TOX2: variants seen among roughly 807,000 people sequenced by gnomAD.
The protein encoded by TOX2 is granulosa cell HMG box 1.
Under a neutral mutation model 47.4 loss-of-function variants are expected in TOX2, and 15 were observed. The observed-to-expected ratio is 0.32, with a 90% CI of 0.21 to 0.49. The LOEUF is 0.49. TOX2 is among the 20% of genes least tolerant of loss of function. TOX2 has a pLI of 0.99. For synonymous variants in TOX2, 290 were observed against 296.6 expected (o/e 0.98, Z 0.23); for missense variants, 622 against 673.1 (o/e 0.92, Z 0.84).
intron 3 of TOX2, among the ~76,000 whole-genome samples, chr20:44,010,700 G>A (rs970126545): frequency 6.6e-6 from 1 of 152,118 alleles, no homozygotes; most frequent in African/African-American, 2.4e-5. Flanking sequence ...CCGTGCAGAG[G>A]GCTTTCAAAC....
At chr20:44,023,885 C>T (rs1034020021) in intron 3 of TOX2, among the ~76,000 whole-genome samples, 1 of 152,266 alleles carries the variant, frequency 6.6e-6, no homozygotes, top group African/African-American at 2.4e-5. Context: ...ATGACAACCT[C>T]ATTGCTGCCT....
intron 3 of TOX2, among the ~76,000 whole-genome samples, chr20:44,021,777 C>T (rs1013585205): frequency 6.6e-6 from 1 of 151,392 alleles, no homozygotes; most frequent in African/African-American, 2.4e-5. Flanking sequence ...CACAGACACA[C>T]ACCACCATGT....
intron 1 of TOX2, among the ~76,000 whole-genome samples, chr20:43,960,852 T>G (rs552340306): frequency 3.3e-5 from 5 of 152,352 alleles, no homozygotes; most frequent in Admixed American, 2.6e-4. Flanking sequence ...GCCTAGCTCC[T>G]GGGCAGACCA....
intron 2 of TOX2, among the ~76,000 whole-genome samples, chr20:43,984,846 A>ATAGC (rs1464781698): frequency 6.6e-6 from 1 of 152,082 alleles, no homozygotes; most frequent in Non-Finnish European, 1.5e-5. Flanking sequence ...GGGGGAGGGG[A>ATAGC]TAGCAGTGGG....
At chr20:44,014,128 C>CAAAAAA (rs55721806) in intron 3 of TOX2, among the ~76,000 whole-genome samples, 3 of 53,562 alleles carry the variant, frequency 5.6e-5, no homozygotes, top group Non-Finnish European at 9.5e-5. Flanking sequence ...GAGACTATCT[C>CAAAAAA]AAAAAAAAAA....
chr20:44,066,607 C>T (rs2071826846), intron 7 of TOX2, 123 bp from the exon 8 acceptor site: 3 of 1,463,754 alleles, frequency 2.0e-6, no homozygotes, highest in Admixed American at 1.7e-5. Flanking sequence ...GGCAGCAGCC[C>T]TGGAGGCAGC....
At chr20:43,929,373 T>C (rs533562064) in intron 1 of TOX2, among the ~76,000 whole-genome samples, 3 of 152,292 alleles carry the variant, frequency 2.0e-5, no homozygotes, top group East Asian at 1.9e-4. Context: ...TCTGCCTGCA[T>C]TTCCAGCCTC....
At chr20:43,961,321 G>C (rs1194471424) in intron 1 of TOX2, among the ~76,000 whole-genome samples, 1 of 152,230 alleles carries the variant, frequency 6.6e-6, no homozygotes, top group East Asian at 1.9e-4. Flanking sequence ...TGGAAAGGCA[G>C]AAGAGGGGAT....
intron 3 of TOX2, among the ~76,000 whole-genome samples, chr20:44,030,906 A>G (rs2071139974): frequency 6.6e-6 from 1 of 152,158 alleles, no homozygotes; most frequent in South Asian, 2.1e-4. Context: ...TTACATTCCT[A>G]ATGTATATAT....
Position 43,929,183 on chromosome 20 carries a change from C to T in TOX2, c.99+14193C>T, listed in dbSNP as rs1258761845. Among the ~76,000 whole-genome samples the T allele has an allele frequency of 2.0e-5, 3 of 151,900 alleles. No individual in the cohort carries two copies. The South Asian group carries it at 6.2e-4, about 32-fold the overall frequency. On this transcript the variant is annotated intron_variant, in intron 1 of 8. Transcript: ENST00000341197. ...AAAAACAAACAAACAAACAAACAAA[C>T]AAAAACAGGGAAAAAAACCCCCACA...
At chr20:44,032,463 G>A (rs984854182) in intron 3 of TOX2, among the ~76,000 whole-genome samples, 4 of 152,230 alleles carry the variant, frequency 2.6e-5, no homozygotes, top group Non-Finnish European at 4.4e-5. Flanking sequence ...GAGCCCTGTG[G>A]TGGGAGGCTG....
chr20:44,000,577 G>A (rs1487434722), intron 2 of TOX2, among the ~76,000 whole-genome samples: 1 of 152,078 alleles, frequency 6.6e-6, no homozygotes, highest in East Asian at 1.9e-4. Context: ...AGCATTTCAG[G>A]GGAAGGTCTG....
At chr20:43,944,608 T>C (rs2069441766) in intron 1 of TOX2, among the ~76,000 whole-genome samples, 2 of 152,166 alleles carry the variant, frequency 1.3e-5, no homozygotes, top group South Asian at 4.1e-4. Flanking sequence ...TCACATGACA[T>C]TTGCTATTCC....
intron 1 of TOX2, among the ~76,000 whole-genome samples, chr20:43,923,738 G>A (rs573776890): frequency 1.3e-5 from 2 of 152,294 alleles, no homozygotes; most frequent in South Asian, 4.1e-4. Flanking sequence ...TGGGTTGCCT[G>A]GAAAAGGACT....
chr20:43,986,256 A>AATGCATGTATGT (rs140249301), intron 2 of TOX2, among the ~76,000 whole-genome samples: 1 of 149,660 alleles, frequency 6.7e-6, no homozygotes, highest in African/African-American at 2.5e-5. Flanking sequence ...AGCCTTTTAA[A>AATGCATGTATGT]ATGTATGTAT....
At chr20:44,032,883 A>G (rs1361219885) in intron 3 of TOX2, among the ~76,000 whole-genome samples, 1 of 152,228 alleles carries the variant, frequency 6.6e-6, no homozygotes, top group African/African-American at 2.4e-5. Context: ...CTTCATATTC[A>G]TAACACGATG....
In TOX2 at chr20:43,996,149, T is replaced by C. The variant is rs1041968056; in HGVS notation, c.166-10398T>C. On this transcript the variant is annotated intron_variant, in intron 2 of 8. Transcript: ENST00000341197. Reference sequence around the variant, plus strand: ...CCTACCAACAGTGTAAGTGTTACCTTTTCTCTGCAACCTTGCCAGGATCTG... The same window carrying C: ...CCTACCAACAGTGTAAGTGTTACCTCTTCTCTGCAACCTTGCCAGGATCTG... Among the ~76,000 whole-genome samples, 54 of 152,242 alleles carry C rather than the reference T, an allele frequency of 3.5e-4. 1 individual carries two copies. Among genetic ancestry groups the C allele is most frequent in the Admixed American group, 3.1e-3 (48 of 15,280 alleles).
At chr20:43,946,160 G>A in intron 1 of TOX2, 2 of 1,426,444 alleles carry the variant, frequency 1.4e-6, no homozygotes, top group Non-Finnish European at 1.9e-6. Flanking sequence ...GTCACATTCT[G>A]GAATGAAGAT....
At chr20:44,002,480 T>A (rs1014674509) in intron 2 of TOX2, among the ~76,000 whole-genome samples, 4 of 152,242 alleles carry the variant, frequency 2.6e-5, no homozygotes, top group Admixed American at 2.6e-4. Flanking sequence ...TATTGATTCA[T>A]TTATTCTTTA....
Sources: gnomAD v4.1 joint callset for allele counts (sites outside exome capture counted in the v4.1 genomes callset) on GRCh38, gnomAD v4.1.1 for gene constraint, MANE v1.5 for transcripts, NCBI Gene and HGNC (gene_info 2026-07-23, HGNC 2026-07-21) for gene names.